The following CCDC85C variants were observed in gnomAD, a reference collection of about 807,000 sequenced individuals.
CCDC85C encodes the protein coiled-coil domain containing 85C.
In CCDC85C, 18 loss-of-function variants were observed where a neutral mutation model predicts 38.3. That is an observed-to-expected ratio of 0.47 (90% CI 0.33 to 0.70). The LOEUF (loss-of-function observed/expected upper bound fraction) is 0.70. Among genes scored for constraint, CCDC85C ranks in the 30% least tolerant of loss-of-function variants. The pLI, the probability that CCDC85C is intolerant of heterozygous loss-of-function variation, is 0.03. For missense variants in CCDC85C, 566 were observed against 621.2 expected (o/e 0.91, Z 0.94); for synonymous variants, 264 against 293.8 (o/e 0.90, Z 1.04).
chr14:99,529,791 AC>A (rs1897457630), intron 2 of CCDC85C, among the ~76,000 whole-genome samples: 1 of 152,188 alleles, frequency 6.6e-6, no homozygotes, highest in Admixed American at 6.5e-5. Flanking sequence ...GTTTGTTTGC[AC>A]ATAAACTGGC....
At chr14:99,529,155 T>G (rs1216786735) in intron 2 of CCDC85C, among the ~76,000 whole-genome samples, 1 of 152,232 alleles carries the variant, frequency 6.6e-6, no homozygotes, top group African/African-American at 2.4e-5. Context: ...TGGCTGGCAC[T>G]GCTCCTCCCT....
At chr14:99,525,079 G>T (rs1357199357) in intron 2 of CCDC85C, among the ~76,000 whole-genome samples, 1 of 152,226 alleles carries the variant, frequency 6.6e-6, no homozygotes, top group East Asian at 1.9e-4. Flanking sequence ...GAGTGTCCTG[G>T]ACTAGGGAGG....
chr14:99,503,170 T>G lies in CCDC85C; in HGVS notation c.*12076A>C. On this transcript the variant is annotated 3_prime_UTR_variant, in exon 6 of 6. Transcript: ENST00000380243. ...AAAGGTGCTCCAAGGACAGGCTGCC[T>G]CTGAGAACCAGGAGGGGGCTCTCTG... 1 of 742,942 alleles carries G rather than the reference T, an allele frequency of 1.3e-6. No individual in the cohort carries two copies. Among genetic ancestry groups the G allele is most frequent in the South Asian group, 1.5e-5 (1 of 67,886 alleles). 46.0% of individuals were successfully genotyped at this position (742,942 alleles called of 1,614,324 possible). A position where few individuals can be genotyped will look rare whatever the true frequency, so the allele number is the denominator to read the frequency against.
intron 2 of CCDC85C, among the ~76,000 whole-genome samples, chr14:99,531,954 G>A (rs975021943): frequency 6.6e-6 from 1 of 152,148 alleles, no homozygotes; most frequent in Non-Finnish European, 1.5e-5. Flanking sequence ...TGGTTAAGTG[G>A]GCCTTCCTTA....
At chr14:99,580,248 A>G in intron 1 of CCDC85C, 3 of 401,016 alleles carry the variant, frequency 7.5e-6, no homozygotes, top group South Asian at 5.5e-5. Flanking sequence ...CCACGTGCAC[A>G]GTGGGTGACA....
At chr14:99,517,437 G>A (rs1897245177) in intron 3 of CCDC85C, among the ~76,000 whole-genome samples, 1 of 152,070 alleles carries the variant, frequency 6.6e-6, no homozygotes, top group Non-Finnish European at 1.5e-5. Context: ...GCAGTCCAGG[G>A]CCCACCCACA....
intron 2 of CCDC85C, among the ~76,000 whole-genome samples, chr14:99,525,880 T>G (rs938606216): frequency 1.3e-5 from 2 of 152,176 alleles, no homozygotes; most frequent in Non-Finnish European, 2.9e-5. Context: ...GGTGGGGACC[T>G]GCGAGGCTCC....
In CCDC85C at chr14:99,516,855, C is replaced by T. The variant is rs917238215; in HGVS notation, c.1071+233G>A. On this transcript the variant is annotated intron_variant, in intron 4 of 5. Coordinates refer to ENST00000380243, the MANE Select transcript of CCDC85C (RefSeq NM_001144995.2). This position sits in a 1 kb window ranked among gnomAD's most constrained non-coding sequence, Gnocchi z 5.5. ...GTGCCTGCCCTCCCCGACCCCAGGC[C>T]TCAGTCTTGTTAGGTGCAGTAGCTC... Among the ~76,000 whole-genome samples, 4 of 152,108 alleles carry T rather than the reference C, an allele frequency of 2.6e-5. No individual in the cohort carries two copies. Among genetic ancestry groups the T allele is most frequent in the Admixed American group, 6.5e-5 (1 of 15,278 alleles).
In CCDC85C at chr14:99,504,081, G is replaced by A; in HGVS notation, c.*11165C>T. The A allele has an allele frequency of 2.6e-6, 1 of 386,586 alleles. No homozygotes were observed. Among genetic ancestry groups the A allele is most frequent in the Admixed American group, 3.2e-5 (1 of 30,960 alleles). 23.9% of individuals were successfully genotyped at this position (386,586 alleles called of 1,614,324 possible). A position where few individuals can be genotyped will look rare whatever the true frequency, so the allele number is the denominator to read the frequency against. On this transcript the variant is annotated 3_prime_UTR_variant, in exon 6 of 6. Transcript: ENST00000380243. ...CAGCCCAGCTGCCCTTGCAGGCAAG[G>A]CCTCTTTGAAACACACTTGGGTTGA...
At chr14:99,590,763 C>T (rs2055076970) in intron 1 of CCDC85C, among the ~76,000 whole-genome samples, 1 of 152,202 alleles carries the variant, frequency 6.6e-6, no homozygotes. Flanking sequence ...TGACCCAGGT[C>T]CAGTCTCCCG....
chr14:99,598,640 G>C (rs928736378), intron 1 of CCDC85C, among the ~76,000 whole-genome samples: 1 of 152,176 alleles, frequency 6.6e-6, no homozygotes, highest in African/African-American at 2.4e-5. Context: ...CCGCTCCCCT[G>C]GAACTCTCTG....
In CCDC85C at chr14:99,512,440, A is replaced by C. The variant is rs1030724791; in HGVS notation, c.*2806T>G. 6.6e-6 allele frequency: 1 copy of C among 152,036 alleles called. No homozygotes were observed. Among genetic ancestry groups the C allele is most frequent in the Non-Finnish European group, 1.5e-5 (1 of 68,044 alleles). 9.4% of individuals were successfully genotyped at this position (152,036 alleles called of 1,614,324 possible). A position where few individuals can be genotyped will look rare whatever the true frequency, so the allele number is the denominator to read the frequency against. On this transcript the variant is annotated 3_prime_UTR_variant, in exon 6 of 6. Coordinates refer to ENST00000380243, the MANE Select transcript of CCDC85C (RefSeq NM_001144995.2). Reference sequence around the variant, plus strand: ...CATTTAGTTTTAAGAAAAAAAAAAAATCAGTAGTATGTATCTTGTTTCCTC... The same window carrying C: ...CATTTAGTTTTAAGAAAAAAAAAAACTCAGTAGTATGTATCTTGTTTCCTC...
intron 2 of CCDC85C, among the ~76,000 whole-genome samples, chr14:99,529,332 G>C (rs1182516095): frequency 6.6e-6 from 1 of 152,182 alleles, no homozygotes; most frequent in Non-Finnish European, 1.5e-5. Flanking sequence ...TGAGGGACAG[G>C]CCTGTGGGAG....
chr14:99,554,732 T>C (rs1897978221), intron 1 of CCDC85C, among the ~76,000 whole-genome samples: 2 of 152,226 alleles, frequency 1.3e-5, no homozygotes, highest in African/African-American at 4.8e-5. Flanking sequence ...CCAACGGGCA[T>C]GCCTGAGGTC....
chr14:99,541,247 G>A (rs1897706694), intron 1 of CCDC85C, among the ~76,000 whole-genome samples: 1 of 152,208 alleles, frequency 6.6e-6, no homozygotes, highest in Non-Finnish European at 1.5e-5. Flanking sequence ...ACCAGAAGGA[G>A]TAGCTGCAAT....
At chr14:99,585,773 C>T (rs1374534199) in intron 1 of CCDC85C, among the ~76,000 whole-genome samples, 1 of 152,142 alleles carries the variant, frequency 6.6e-6, no homozygotes, top group Non-Finnish European at 1.5e-5. Flanking sequence ...GTAGCACAGA[C>T]CCTCGGGGCA....
intron 1 of CCDC85C, among the ~76,000 whole-genome samples, chr14:99,549,851 C>T (rs1284169230): frequency 2.0e-5 from 3 of 152,236 alleles, no homozygotes; most frequent in African/African-American, 7.2e-5. Context: ...TGGAGAAGGA[C>T]CAGCTCCTTT....
intron 1 of CCDC85C, among the ~76,000 whole-genome samples, chr14:99,541,065 G>GT (rs1296443874): frequency 2.0e-5 from 3 of 152,316 alleles, no homozygotes; most frequent in East Asian, 3.9e-4. Flanking sequence ...GTCCAGAACA[G>GT]TAAGAACTGG....
At position 99,509,573 on chromosome 14, in the gene CCDC85C, T is replaced by A. The variant is rs909107819; in HGVS notation, c.*5673A>T. ...CGCACACGCACACACATGCACACAC[T>A]CCTCTCAAGGAGGCTGCTATCTGAG... On this transcript the variant is annotated 3_prime_UTR_variant, in exon 6 of 6. Transcript: ENST00000380243. 2 of 151,530 alleles carry A rather than the reference T, an allele frequency of 1.3e-5. No homozygotes were observed. Among genetic ancestry groups the A allele is most frequent in the Admixed American group, 6.0e-5 (1 of 16,780 alleles). 9.4% of individuals were successfully genotyped at this position (151,530 alleles called of 1,614,324 possible).
Sources: allele counts gnomAD v4.1 joint callset (sites outside exome capture counted in the v4.1 genomes callset), GRCh38; gene constraint gnomAD v4.1.1; non-coding constraint Gnocchi (gnomAD v3.1); transcripts MANE v1.5; gene names NCBI Gene and HGNC (gene_info 2026-07-23, HGNC 2026-07-21).